CDH13: variants seen among roughly 807,000 people sequenced by gnomAD.
CDH13 encodes cadherin 13.
CDH13 carries 24 observed loss-of-function variants against 63.8 expected under a neutral mutation model. The ratio of observed to expected loss-of-function variants is 0.38; its 90% CI spans 0.27 to 0.53. The LOEUF (loss-of-function observed/expected upper bound fraction) is 0.53, where lower values mean the gene tolerates loss of function less well. CDH13 is among the 20% of genes least tolerant of loss of function. The pLI is 0.85. For missense variants in CDH13, 1,049 were observed against 903.1 expected, an observed-to-expected ratio of 1.16 and a Z score of -2.07; for synonymous variants, 503 against 355.3, an observed-to-expected ratio of 1.42 and a Z score of -4.67.
At chr16:83,046,613 C>A (rs1438272642) in intron 3 of CDH13, among the ~76,000 whole-genome samples, 6 of 152,122 alleles carry the variant, frequency 3.9e-5, no homozygotes, top group Non-Finnish European at 8.8e-5. Flanking sequence ...GGAAATAGCC[C>A]ACTGGGAAGG....
At chr16:83,740,976 G>C (rs145555020) in intron 10 of CDH13, among the ~76,000 whole-genome samples, 1 of 152,176 alleles carries the variant, frequency 6.6e-6, no homozygotes, top group African/African-American at 2.4e-5. Context: ...AGAAAGTCAG[G>C]CAGGTCCAGA....
chr16:82,726,614 A>C (rs2033111351), intron 1 of CDH13, among the ~76,000 whole-genome samples: 1 of 152,200 alleles, frequency 6.6e-6, no homozygotes, highest in Non-Finnish European at 1.5e-5. Flanking sequence ...TATTTACTTT[A>C]TCGCCTTGGG....
intron 3 of CDH13, among the ~76,000 whole-genome samples, chr16:83,056,462 A>AG (rs1282245044): frequency 1.3e-5 from 2 of 151,992 alleles, no homozygotes; most frequent in Non-Finnish European, 2.9e-5. Context: ...CCAAATACAT[A>AG]GCAAAAAAAA....
chr16:83,648,239 C>G (rs573754623), intron 8 of CDH13, among the ~76,000 whole-genome samples: 2 of 152,218 alleles, frequency 1.3e-5, no homozygotes, highest in South Asian at 2.1e-4. Flanking sequence ...TTCTCAGAGT[C>G]ACATGTGTAT....
At chr16:83,265,833 G>C (rs570167408) in intron 5 of CDH13, among the ~76,000 whole-genome samples, 97 of 147,270 alleles carry the variant, frequency 6.6e-4, no homozygotes, top group Non-Finnish European at 1.1e-3. Flanking sequence ...AGCACTAAAG[G>C]CTCTTTAGGA....
At chr16:83,565,366 G>A (rs1016940096) in intron 7 of CDH13, among the ~76,000 whole-genome samples, 7 of 138,302 alleles carry the variant, frequency 5.1e-5, no homozygotes, top group Non-Finnish European at 1.1e-4. Flanking sequence ...TGGGATTTCC[G>A]TTCCTCTTCC....
intron 5 of CDH13, among the ~76,000 whole-genome samples, chr16:83,261,331 C>G (rs1486102084): frequency 6.6e-6 from 1 of 152,150 alleles, no homozygotes; most frequent in Non-Finnish European, 1.5e-5. Flanking sequence ...GATAAGCCAG[C>G]TGTTCTCAAT....
chr16:83,408,491 A>G (rs11149565), intron 6 of CDH13, among the ~76,000 whole-genome samples: 34,044 of 152,188 alleles, frequency 0.22, 3,917 homozygotes, highest in Middle Eastern at 0.31. Flanking sequence ...AATACTGTAA[A>G]CAATTATAAC....
Position 83,295,587 on chromosome 16 carries a change from C to T in CDH13, c.637-49275C>T, listed in dbSNP as rs1244969431. On this transcript the variant is annotated intron_variant, in intron 5 of 13. Coordinates refer to ENST00000567109, the MANE Select transcript of CDH13 (RefSeq NM_001257.5). ...GGCATATTTTTAAAATGCTCAACATCACTAATAATAGAAATGCAAATTAAA... is the reference window on the plus strand; with the variant it reads ...GGCATATTTTTAAAATGCTCAACATTACTAATAATAGAAATGCAAATTAAA... Among the ~76,000 whole-genome samples, 4 of 152,124 alleles carry T rather than the reference C, an allele frequency of 2.6e-5. No individual in the cohort carries two copies. In the East Asian group the frequency reaches 7.7e-4, roughly 29 times the overall value.
chr16:83,461,901 G>A (rs913011760), intron 6 of CDH13, among the ~76,000 whole-genome samples: 1 of 152,304 alleles, frequency 6.6e-6, no homozygotes, highest in African/African-American at 2.4e-5. Context: ...AGAAAGCAGT[G>A]GCCTGCCTTG....
intron 10 of CDH13, among the ~76,000 whole-genome samples, chr16:83,701,817 T>C (rs905873685): frequency 1.3e-5 from 2 of 152,186 alleles, no homozygotes; most frequent in African/African-American, 4.8e-5. Context: ...TCTGCCCAGT[T>C]TGCTTCCTCT....
chr16:83,149,372 G>C (rs1017574682), intron 4 of CDH13, among the ~76,000 whole-genome samples: 2 of 152,172 alleles, frequency 1.3e-5, no homozygotes, highest in Admixed American at 6.5e-5. Flanking sequence ...CTCATGAGGC[G>C]ATGTTAACTT....
chr16:83,619,804 C>G (rs1309729449), intron 8 of CDH13, among the ~76,000 whole-genome samples: 2 of 152,234 alleles, frequency 1.3e-5, no homozygotes. Flanking sequence ...AGGTTACAGT[C>G]TGAGGTCCTG....
intron 7 of CDH13, among the ~76,000 whole-genome samples, chr16:83,544,226 A>G (rs188520981): frequency 1.1e-4 from 17 of 152,286 alleles, no homozygotes; most frequent in Middle Eastern, 3.4e-3. Flanking sequence ...AGTTCACCCA[A>G]TGTCATATAG....
chr16:83,204,137 C>A (rs994858370), intron 4 of CDH13, among the ~76,000 whole-genome samples: 1 of 152,222 alleles, frequency 6.6e-6, no homozygotes, highest in African/African-American at 2.4e-5. Flanking sequence ...GGGAGCTCTT[C>A]CATCAGTGTC....
chr16:82,830,413 C>G (rs1176170755), intron 1 of CDH13, among the ~76,000 whole-genome samples: 1 of 152,172 alleles, frequency 6.6e-6, no homozygotes, highest in African/African-American at 2.4e-5. Flanking sequence ...TCCCCATGGG[C>G]AGTGAACAGT....
At chr16:83,541,383 C>T (rs531145019) in intron 7 of CDH13, among the ~76,000 whole-genome samples, 3 of 152,334 alleles carry the variant, frequency 2.0e-5, no homozygotes, top group Admixed American at 1.3e-4. Flanking sequence ...CCCTCACATT[C>T]CCACCAGCTC....
intron 2 of CDH13, among the ~76,000 whole-genome samples, chr16:82,929,877 C>G (rs1015306723): frequency 1.3e-5 from 2 of 151,756 alleles, no homozygotes; most frequent in African/African-American, 4.8e-5. Flanking sequence ...GTAGTCATAA[C>G]AAATCTATAG....
At chr16:82,647,011 A>G (rs561634645) in intron 1 of CDH13, among the ~76,000 whole-genome samples, 13 of 152,268 alleles carry the variant, frequency 8.5e-5, no homozygotes, top group South Asian at 2.1e-4. Flanking sequence ...GGACTTTACT[A>G]TTGCTGTAGT....
Sources: allele counts gnomAD v4.1 joint callset (sites outside exome capture counted in the v4.1 genomes callset), GRCh38; gene constraint gnomAD v4.1.1; transcripts MANE v1.5; gene names NCBI Gene and HGNC (gene_info 2026-07-23, HGNC 2026-07-21).